The following RBFOX3 variants were observed in gnomAD, a reference collection of about 807,000 sequenced individuals.
RBFOX3 encodes RNA binding fox-1 homolog 3.
A neutral mutation model predicts 48.7 loss-of-function variants in RBFOX3; 17 were observed. The observed-to-expected ratio is 0.35, with a 90% confidence interval of 0.24 to 0.52. The LOEUF (loss-of-function observed/expected upper bound fraction) is 0.52. Among genes scored for constraint, RBFOX3 ranks in the 20% least tolerant of loss-of-function variants. The pLI, the probability that RBFOX3 is intolerant of heterozygous loss-of-function variation, is 0.94. For synonymous variants in RBFOX3, 212 were observed against 209.5 expected, an observed-to-expected ratio of 1.01 and a Z score of -0.10; for missense variants, 382 against 497.5, an observed-to-expected ratio of 0.77 and a Z score of 2.21.
chr17:79,110,308 G>A (rs1470644426), intron 5 of RBFOX3, among the ~76,000 whole-genome samples: 2 of 152,116 alleles, frequency 1.3e-5, no homozygotes, highest in Non-Finnish European at 2.9e-5. Context: ...TCGGGGTGGG[G>A]GTCTAGTTGC....
chr17:79,471,851 G>A lies in RBFOX3; in HGVS notation c.-175+10603C>T, dbSNP rs377689310. ...ACCCGGGATCCCACCGTTCTCCAGG[G>A]TCGAGGGAGAACACTTCAAGAGAGG... On this transcript the variant is annotated intron_variant, in intron 2 of 14. Coordinates refer to ENST00000693108, the MANE Select transcript of RBFOX3 (RefSeq NM_001350451.2). This position sits in a 1 kb window ranked among gnomAD's most constrained non-coding sequence, Gnocchi z 4.0. 6.6e-6 allele frequency among the ~76,000 whole-genome samples: 1 copy of A among 152,182 alleles called. No homozygotes were observed. Among genetic ancestry groups the A allele is most frequent in the Non-Finnish European group, 1.5e-5 (1 of 68,042 alleles).
chr17:79,153,140 C>T (rs1175685877), intron 4 of RBFOX3, among the ~76,000 whole-genome samples: 4 of 152,228 alleles, frequency 2.6e-5, no homozygotes, highest in African/African-American at 9.6e-5. Context: ...GCTGTGTCTG[C>T]CCCCGACCCT....
intron 1 of RBFOX3, among the ~76,000 whole-genome samples, chr17:79,492,317 C>T (rs1286701405): frequency 6.6e-6 from 1 of 152,132 alleles, no homozygotes; most frequent in African/African-American, 2.4e-5. Flanking sequence ...GGTGTCACCT[C>T]CCCTGTCATA....
chr17:79,431,536 G>A (rs1196529100), intron 2 of RBFOX3, among the ~76,000 whole-genome samples: 1 of 144,162 alleles, frequency 6.9e-6, no homozygotes, highest in African/African-American at 2.6e-5. Context: ...TCAAGCTGGA[G>A]AGCAGTGGCA....
At chr17:79,495,616 TG>T (rs1224044136) in intron 1 of RBFOX3, among the ~76,000 whole-genome samples, 3 of 3,842 alleles carry the variant, frequency 7.8e-4, no homozygotes, top group African/African-American at 2.4e-3. Flanking sequence ...GGTGGGGAGG[TG>T]GGGGAAAGGG....
rs1317911617 is a variant in RBFOX3, at chr17:79,299,006, G to A, written c.-74+8718C>T. Among the ~76,000 whole-genome samples the A allele has an allele frequency of 1.3e-5, 2 of 152,224 alleles. No individual in the cohort carries two copies. The highest frequency in any genetic ancestry group is 4.8e-5 in the African/African-American group (2 of 41,452). ...GCTGATGCAAGGCTGGGAGGCGGGA[G>A]GGCGCGAGTCTGTAACTGGAGAGGT... On this transcript the variant is annotated intron_variant, in intron 3 of 14. Transcript: ENST00000693108. This position sits in a 1 kb window ranked among gnomAD's most constrained non-coding sequence, Gnocchi z 4.5.
At chr17:79,132,994 C>T (rs917503645) in intron 4 of RBFOX3, among the ~76,000 whole-genome samples, 3 of 152,210 alleles carry the variant, frequency 2.0e-5, no homozygotes, top group Non-Finnish European at 2.9e-5. Context: ...ATTTCACACA[C>T]GAGCAAAGTG....
chr17:79,601,490 T>C (rs2093704871), intron 1 of RBFOX3: 1 of 152,240 alleles, frequency 6.6e-6, no homozygotes. Flanking sequence ...TTTTAGTATA[T>C]ATTAATGCAC....
chr17:79,252,438 A>G lies in RBFOX3; in HGVS notation c.-73-16633T>C, dbSNP rs1311293968. Among the ~76,000 whole-genome samples, 1 of 151,762 alleles carries G rather than the reference A, an allele frequency of 6.6e-6. No homozygotes were observed. The highest frequency in any genetic ancestry group is 1.5e-5 in the Non-Finnish European group (1 of 67,898). On this transcript the variant is annotated intron_variant, in intron 3 of 14. Coordinates refer to ENST00000693108, the MANE Select transcript of RBFOX3 (RefSeq NM_001350451.2). This position sits in a 1 kb window ranked among gnomAD's most constrained non-coding sequence, Gnocchi z 4.0. ...CAAGTGAGCAAGTCAGCTGGGGTCCACTCTGACCCTCCCTCTCTTCCTCCC... is the reference window on the plus strand; with the variant it reads ...CAAGTGAGCAAGTCAGCTGGGGTCCGCTCTGACCCTCCCTCTCTTCCTCCC...
chr17:79,591,964 C>T (rs925362250), intron 1 of RBFOX3, among the ~76,000 whole-genome samples: 12 of 141,152 alleles, frequency 8.5e-5, no homozygotes, highest in South Asian at 2.1e-4. Context: ...CATGTGTAAA[C>T]GTGTGCACGC....
At chr17:79,170,143 A>AGGAGGAAGGAGGAAGGGAGGAGGAAGG (rs796734338) in intron 4 of RBFOX3, among the ~76,000 whole-genome samples, 5 of 111,310 alleles carry the variant, frequency 4.5e-5, no homozygotes, top group East Asian at 2.4e-4. Context: ...GGAAGGAGGG[A>AGGAGGAAGGAGGAAGGGAGGAGGAAGG]AGGAAGGAAG....
chr17:79,343,770 T>C (rs749703915), intron 2 of RBFOX3, among the ~76,000 whole-genome samples: 7 of 152,126 alleles, frequency 4.6e-5, no homozygotes, highest in Non-Finnish European at 8.8e-5. Flanking sequence ...TCATCATTCA[T>C]GAGACAGGTC....
Position 79,325,221 on chromosome 17 carries a change from C to T in RBFOX3, c.-174-17397G>A, listed in dbSNP as rs111844745. Reference sequence around the variant, plus strand: ...TGGTGGCAGGGAGCTGCCCCCTTTGCATCCCCAGCCCCCTGGGTGGGCTCA... The same window carrying T: ...TGGTGGCAGGGAGCTGCCCCCTTTGTATCCCCAGCCCCCTGGGTGGGCTCA... On this transcript the variant is annotated intron_variant, in intron 2 of 14. Coordinates refer to ENST00000693108, the MANE Select transcript of RBFOX3 (RefSeq NM_001350451.2). Among the ~76,000 whole-genome samples the T allele has an allele frequency of 8.2e-3, 1,247 of 152,310 alleles. 3 individuals carry two copies. Among genetic ancestry groups the T allele is most frequent in the Middle Eastern group, 0.014 (4 of 294 alleles).
chr17:79,610,132 C>T, intron 1 of RBFOX3, among the ~76,000 whole-genome samples: 1 of 152,106 alleles, frequency 6.6e-6, no homozygotes, highest in East Asian at 2.0e-4. Context: ...CCTCGCTGCT[C>T]GGCCCCCGCG....
At chr17:79,368,557 T>C (rs1304270107) in intron 2 of RBFOX3, among the ~76,000 whole-genome samples, 3 of 152,162 alleles carry the variant, frequency 2.0e-5, no homozygotes, top group Admixed American at 1.3e-4. Context: ...TGCAGGACAA[T>C]TGAGAAGCCC....
rs763592841 is a variant in RBFOX3 at position 79,101,625 on chromosome 17, C to T, written c.527G>A (p.Arg176Gln). The T allele has an allele frequency of 6.4e-7, 1 of 1,551,284 alleles. No individual in the cohort carries two copies. Among genetic ancestry groups the T allele is most frequent in the Non-Finnish European group, 8.7e-7 (1 of 1,146,924 alleles). Reference protein sequence around the residue: ...RKIEVNNATARVMTNKKTGNP... With the variant: ...RKIEVNNATAQVMTNKKTGNP... The stretch of plus-strand genomic sequence containing the variant: ...CCCCGTCTTCTTGTTGGTCATCACT[C>T]GGGCCGTGGCATTATTGACCTGTTC... Residue 176 changes from arginine to glutamine, a missense_variant, in exon 9 of 15, where the codon CGA becomes CAA. Arg to Gln is a conservative substitution (Grantham distance 43). Around this residue, in one of 3 missense-constraint regions of RBFOX3, gnomAD observed 215 missense variants for 254.8 expected, o/e 0.84. Coordinates refer to ENST00000693108, the MANE Select transcript of RBFOX3 (RefSeq NM_001350451.2).
At chr17:79,179,216 G>A (rs991934742) in intron 4 of RBFOX3, among the ~76,000 whole-genome samples, 1 of 150,692 alleles carries the variant, frequency 6.6e-6, no homozygotes, top group Admixed American at 6.6e-5. Context: ...AATAAGAACA[G>A]TGCCTCCTAA....
upstream of RBFOX3, among the ~76,000 whole-genome samples, chr17:79,612,073 A>G (rs2093973808): frequency 6.6e-6 from 1 of 152,134 alleles, no homozygotes; most frequent in Admixed American, 6.5e-5. Context: ...GGAGAGATCT[A>G]TTGCTGGGGT....
intron 4 of RBFOX3, among the ~76,000 whole-genome samples, chr17:79,192,806 C>G (rs1258594702): frequency 6.6e-6 from 1 of 152,212 alleles, no homozygotes; most frequent in Non-Finnish European, 1.5e-5. Flanking sequence ...GCGGCTAGCC[C>G]TGCTGATGGC....
Sources: allele counts gnomAD v4.1 joint callset (sites outside exome capture counted in the v4.1 genomes callset), GRCh38; gene constraint gnomAD v4.1.1; regional missense constraint gnomAD v4.1.1; non-coding constraint Gnocchi (gnomAD v3.1); transcripts MANE v1.5; gene names NCBI Gene and HGNC (gene_info 2026-07-23, HGNC 2026-07-21).